STXBP5L: variants seen among roughly 807,000 people sequenced by gnomAD.
STXBP5L encodes the protein syntaxin-binding protein 5-like.
Under a neutral mutation model 144.5 loss-of-function variants are expected in STXBP5L, and 65 were observed. The ratio of observed to expected loss-of-function variants is 0.45; its 90% CI spans 0.37 to 0.55. The LOEUF (loss-of-function observed/expected upper bound fraction) is 0.55, where lower values mean the gene tolerates loss of function less well. Among genes scored for constraint, STXBP5L ranks in the 20% least tolerant of loss-of-function variants. The pLI, the probability that STXBP5L is intolerant of heterozygous loss-of-function variation, is 0.00. For synonymous variants in STXBP5L, 505 were observed against 469.6 expected, an observed-to-expected ratio of 1.08 and a Z score of -0.97; for missense variants, 1,298 against 1,405.5, an observed-to-expected ratio of 0.92 and a Z score of 1.22.
intron 3 of STXBP5L, among the ~76,000 whole-genome samples, chr3:121,015,240 G>T (rs1449178759): frequency 6.6e-6 from 1 of 152,146 alleles, no homozygotes; most frequent in Non-Finnish European, 1.5e-5. Flanking sequence ...AAGAATTTAT[G>T]ATTGGCTTAA....
chr3:121,323,081 T>C (rs1198005119), intron 20 of STXBP5L, among the ~76,000 whole-genome samples: 1 of 152,230 alleles, frequency 6.6e-6, no homozygotes, highest in Non-Finnish European at 1.5e-5. Context: ...TCCTTGTAGA[T>C]TCTGGATATT....
intron 14 of STXBP5L, among the ~76,000 whole-genome samples, chr3:121,241,401 A>G (rs1317261966): frequency 7.4e-5 from 11 of 148,776 alleles, no homozygotes; most frequent in Admixed American, 4.0e-4. Flanking sequence ...ACACACACAC[A>G]CACACACACG....
rs372694420 is a variant in STXBP5L at position 121,165,627 on chromosome 3, G to A, written c.877+8000G>A. Among the ~76,000 whole-genome samples the A allele has an allele frequency of 1.2e-4, 18 of 152,214 alleles. No individual in the cohort carries two copies. In the South Asian group the frequency reaches 2.7e-3, roughly 23 times the overall value. ...GCAGACACTTTGAAGGGTGAGAAGA[G>A]CAGGGTTTATTGGGTGAAAAGGAAA... On this transcript the variant is annotated intron_variant, in intron 9 of 26. Transcript: ENST00000471454.
At chr3:121,328,577 C>T (rs1346850311) in intron 20 of STXBP5L, among the ~76,000 whole-genome samples, 2 of 151,948 alleles carry the variant, frequency 1.3e-5, no homozygotes, top group Non-Finnish European at 2.9e-5. Context: ...AGTGAAAGCC[C>T]GTCTCTACTA....
chr3:121,157,262 G>A (rs1188020375), intron 8 of STXBP5L, among the ~76,000 whole-genome samples: 2 of 151,982 alleles, frequency 1.3e-5, no homozygotes, highest in Non-Finnish European at 2.9e-5. Context: ...TTGGGGTTTG[G>A]CACATAGAAA....
chr3:121,299,087 T>C (rs898226246), intron 19 of STXBP5L, among the ~76,000 whole-genome samples: 1 of 152,152 alleles, frequency 6.6e-6, no homozygotes, highest in African/African-American at 2.4e-5. Context: ...AAAATCAACA[T>C]GGAAGGATAA....
chr3:121,018,523 C>CAAAAAA (rs139946627), intron 3 of STXBP5L, among the ~76,000 whole-genome samples: 1 of 101,936 alleles, frequency 9.8e-6, no homozygotes, highest in African/African-American at 3.7e-5. Context: ...ATCCATATAC[C>CAAAAAA]AAAAAAAAAA....
chr3:121,031,456 A>G (rs188593836), intron 3 of STXBP5L, among the ~76,000 whole-genome samples: 44 of 152,146 alleles, frequency 2.9e-4, no homozygotes, highest in Admixed American at 1.5e-3. Context: ...TCACACAACT[A>G]TGGAGGCTGG....
At chr3:121,376,280 C>T (rs79987651) in intron 20 of STXBP5L, among the ~76,000 whole-genome samples, 19,236 of 152,184 alleles carry the variant, frequency 0.13, 1,354 homozygotes, top group Middle Eastern at 0.18. Context: ...GGCAGTCTAG[C>T]CTGGCCCCAG....
intron 10 of STXBP5L, among the ~76,000 whole-genome samples, chr3:121,210,890 C>T (rs191012597): frequency 2.0e-5 from 3 of 152,168 alleles, no homozygotes; most frequent in South Asian, 4.1e-4. Context: ...GTTCTTTTGG[C>T]TTAGGATTGT....
intron 10 of STXBP5L, among the ~76,000 whole-genome samples, chr3:121,216,976 A>G (rs1429234748): frequency 2.6e-5 from 4 of 152,038 alleles, no homozygotes; most frequent in Non-Finnish European, 4.4e-5. Context: ...GGCTTTGTTT[A>G]TACTGTCAGG....
intron 20 of STXBP5L, among the ~76,000 whole-genome samples, chr3:121,355,649 A>C (rs531691995): frequency 5.9e-5 from 9 of 152,052 alleles, no homozygotes; most frequent in Non-Finnish European, 1.0e-4. Context: ...TTTAGCTCGG[A>C]GAAGTTTGTT....
intron 5 of STXBP5L, among the ~76,000 whole-genome samples, chr3:121,084,812 C>A (rs756831105): frequency 7.9e-5 from 12 of 152,180 alleles, no homozygotes; most frequent in Non-Finnish European, 1.8e-4. Flanking sequence ...AATGGTTGAA[C>A]TAATTTACAT....
intron 5 of STXBP5L, among the ~76,000 whole-genome samples, chr3:121,087,607 C>T (rs1024567439): frequency 1.3e-5 from 2 of 151,900 alleles, no homozygotes; most frequent in Non-Finnish European, 2.9e-5. Flanking sequence ...ATAGTTGGGT[C>T]ATGGTTTTTA....
At chr3:120,955,115 T>G (rs1036516083) in intron 3 of STXBP5L, 78 bp downstream of exon 3, 3 of 1,019,254 alleles carry the variant, frequency 2.9e-6, no homozygotes, top group Non-Finnish European at 4.4e-6. Flanking sequence ...AAGATAAATA[T>G]TTATGACCAA....
At position 121,420,375 on chromosome 3, in the gene STXBP5L, A is replaced by G. The variant is rs1441114675; in HGVS notation, c.*1278A>G. 1 of 149,262 alleles carries G rather than the reference A, an allele frequency of 6.7e-6. No homozygotes were observed. Among genetic ancestry groups the G allele is most frequent in the Non-Finnish European group, 1.5e-5 (1 of 66,392 alleles). 9.2% of individuals were successfully genotyped at this position (149,262 alleles called of 1,614,324 possible). A position where few individuals can be genotyped will look rare whatever the true frequency, so the allele number is the denominator to read the frequency against. ...GACAATAGAAATACATAAAGAGTTT[A>G]ATGATACAAAATCAATGCTTTTGTC... On this transcript the variant is annotated 3_prime_UTR_variant, in exon 27 of 27. Coordinates refer to ENST00000471454, the MANE Select transcript of STXBP5L (RefSeq NM_001308330.2).
At chr3:120,968,714 C>T (rs1327959656) in intron 3 of STXBP5L, among the ~76,000 whole-genome samples, 1 of 152,082 alleles carries the variant, frequency 6.6e-6, no homozygotes, top group Non-Finnish European at 1.5e-5. Context: ...TTTTATCCCT[C>T]CCCCGTTCTG....
Position 121,167,019 on chromosome 3 carries a change from C to T in STXBP5L, c.877+9392C>T, listed in dbSNP as rs146702610. Among the ~76,000 whole-genome samples, 556 of 152,026 alleles carry T rather than the reference C, an allele frequency of 3.7e-3. 2 individuals carry two copies. Among genetic ancestry groups the T allele is most frequent in the Non-Finnish European group, 5.0e-3 (338 of 67,982 alleles). Reference sequence around the variant, plus strand: ...AAAAACGAAGGAGCCTAAAAATATGCCAGACTAGAATTAGCAGTCTTTTGA... The same window carrying T: ...AAAAACGAAGGAGCCTAAAAATATGTCAGACTAGAATTAGCAGTCTTTTGA... On this transcript the variant is annotated intron_variant, in intron 9 of 26. Coordinates refer to ENST00000471454, the MANE Select transcript of STXBP5L (RefSeq NM_001308330.2).
At chr3:121,076,008 A>T (rs1376653907) in intron 5 of STXBP5L, among the ~76,000 whole-genome samples, 2 of 152,232 alleles carry the variant, frequency 1.3e-5, no homozygotes, top group African/African-American at 2.4e-5. Context: ...GATCTATAAG[A>T]GCCTGAGGCT....
Sources: allele counts gnomAD v4.1 joint callset (sites outside exome capture counted in the v4.1 genomes callset), GRCh38; gene constraint gnomAD v4.1.1; transcripts MANE v1.5; gene names NCBI Gene and HGNC (gene_info 2026-07-23, HGNC 2026-07-21).